The following WDR90 variants were observed in gnomAD, a reference collection of about 807,000 sequenced individuals.
The protein encoded by WDR90 is WD repeat domain 90, also known as WD repeat-containing protein 90.
A neutral mutation model predicts 195.2 loss-of-function variants in WDR90; 238 were observed. The observed-to-expected ratio is 1.22, with a 90% CI of 1.10 to 1.36. WDR90 has a LOEUF of 1.36. WDR90 is among the 40% of genes most tolerant of loss of function. The probability of loss-of-function intolerance (pLI) is 0.00; values close to 1 mark genes in which losing one functional copy is unlikely to be tolerated. For synonymous variants in WDR90, 1,265 were observed against 1,052.4 expected, an observed-to-expected ratio of 1.20 and a Z score of -3.91; for missense variants, 2,734 against 2,439.5, an observed-to-expected ratio of 1.12 and a Z score of -2.54.
intron 33 of WDR90, 169 bp downstream of exon 33, chr16:662,500 G>C: frequency 1.4e-5 from 16 of 1,185,096 alleles, no homozygotes; most frequent in Non-Finnish European, 1.9e-5. Context: ...GGCTGCTGTC[G>C]AGTACGGGCA....
At chr16:664,487 G>A (rs1002129900) in intron 34 of WDR90, among the ~76,000 whole-genome samples, 3 of 152,148 alleles carry the variant, frequency 2.0e-5, no homozygotes, top group African/African-American at 7.2e-5. Flanking sequence ...CGTGACCTGA[G>A]CCCGTGGTCA....
At chr16:661,820 T>G (rs778246124) in intron 31 of WDR90, 33 bp downstream of exon 31, 26 of 1,586,216 alleles carry the variant, frequency 1.6e-5, no homozygotes, top group Middle Eastern at 1.7e-4. Flanking sequence ...GCCCAGGGGT[T>G]GTTTTGTGGG....
Position 655,901 on chromosome 16 carries a change from G to A in WDR90, c.1966+12G>A, listed in dbSNP as rs773742422. ...GCTCCTGGAGGCAGGTGATGCTGTG[G>A]GCACGCTCTCCCAACTCCGGGAGAG... On this transcript the variant is annotated intron_variant, in intron 17 of 40. Coordinates refer to ENST00000293879, the MANE Select transcript of WDR90 (RefSeq NM_145294.5). 3 of 1,584,512 alleles carry A rather than the reference G, an allele frequency of 1.9e-6. No individual in the cohort carries two copies. Among genetic ancestry groups the A allele is most frequent in the East Asian group, 4.6e-5 (2 of 43,830 alleles).
intron 11 of WDR90, 27 bp downstream of exon 11, chr16:653,478 C>T (rs1382895767): frequency 6.2e-7 from 1 of 1,612,416 alleles, no homozygotes; most frequent in Non-Finnish European, 8.5e-7. Flanking sequence ...CCTGGGGCAG[C>T]TCACACCTGC....
intron 5 of WDR90, 38 bp from the exon 6 acceptor site, chr16:650,957 C>T (rs1034167453): frequency 6.2e-7 from 1 of 1,603,000 alleles, no homozygotes. Flanking sequence ...GGTGGCTAAA[C>T]AGCCTCCCTT....
rs567455490 is a variant in WDR90, at chr16:650,195, T to G, written c.279+28T>G. 28 of 1,610,048 alleles carry G rather than the reference T, an allele frequency of 1.7e-5. No individual in the cohort carries two copies. In the African/African-American group the frequency reaches 3.2e-4, roughly 18 times the overall value. On this transcript the variant is annotated intron_variant, in intron 3 of 40. Transcript: ENST00000293879. ...ACGGAGCCCGCGGCTGGGGGCTGCGTGGGAGCCCCGGCACCCCTGCGGCCC... is the reference window on the plus strand; with the variant it reads ...ACGGAGCCCGCGGCTGGGGGCTGCGGGGGAGCCCCGGCACCCCTGCGGCCC...
At chr16:654,924 C>A (rs936854481) in intron 13 of WDR90, 105 bp from the exon 14 acceptor site, 281 of 1,074,296 alleles carry the variant, frequency 2.6e-4, no homozygotes, top group Non-Finnish European at 3.6e-4. Flanking sequence ...GGCTGGTCTC[C>A]GCATGAGAGA....
chr16:660,711 A>G lies in WDR90; in HGVS notation c.3388A>G (p.Thr1130Ala). ...GGCCAACATGGTCTGGAGGCCGGAC[A>G]CAGGTGGGGGCCAAGAGCCTACCCC... ...GRANMVWRPD[T>A]GFFAYTCGRL... is the part of the protein sequence containing the mutation. Residue 1130 changes from threonine (T) to alanine (A), a missense_variant, in exon 28 of 41, where the codon ACA becomes GCA. Thr to Ala is a moderately conservative substitution (Grantham distance 58, BLOSUM62 0). Coordinates refer to ENST00000293879, the MANE Select transcript of WDR90 (RefSeq NM_145294.5). 7 of 1,562,934 alleles carry G rather than the reference A, an allele frequency of 4.5e-6. No individual in the cohort carries two copies. Among genetic ancestry groups the G allele is most frequent in the Non-Finnish European group, 6.1e-6 (7 of 1,153,350 alleles).
Position 666,051 on chromosome 16 carries a change from C to CT in WDR90, c.4537dup (p.Ser1513PhefsTer53). On this transcript the variant is annotated frameshift_variant, in exon 36 of 41. Coordinates refer to ENST00000293879, the MANE Select transcript of WDR90 (RefSeq NM_145294.5). LOFTEE classifies it high-confidence loss of function. ...ACGGCTCCCTGCGCATCTTCAGCGT[C>CT]TCCCGCACGGCCATGGAGCTCAAGA... 2.5e-6 allele frequency: 4 copies of CT among 1,606,922 alleles called. No homozygotes were observed. The highest frequency in any genetic ancestry group is 3.4e-6 in the Non-Finnish European group (4 of 1,179,840).
rs530880800 is a variant in WDR90 at position 667,634 on chromosome 16, C to G, written c.*45C>G. On this transcript the variant is annotated 3_prime_UTR_variant, in exon 41 of 41. Coordinates refer to ENST00000293879, the MANE Select transcript of WDR90 (RefSeq NM_145294.5). ...TGGTGGGCATCACGCCTGGTCATGCCAGGCACCTGGACACAGGCTTGGCAG... is the reference window on the plus strand; with the variant it reads ...TGGTGGGCATCACGCCTGGTCATGCGAGGCACCTGGACACAGGCTTGGCAG... 127 of 1,598,736 alleles carry G rather than the reference C, an allele frequency of 7.9e-5. No homozygotes were observed. In the South Asian group the frequency reaches 1.2e-3, roughly 15 times the overall value.
In WDR90 at chr16:653,572, C is replaced by T. The variant is rs759366735; in HGVS notation, c.1281C>T (p.Ala427=). 1.9e-6 allele frequency: 3 copies of T among 1,613,536 alleles called. No individual in the cohort carries two copies. Among genetic ancestry groups the T allele is most frequent in the Admixed American group, 3.3e-5 (2 of 60,020 alleles). ...GCAGCAGCTCACTATTGGCCTCGGC[C>T]CAGGCAAGGGCCCCTAGTGTGATGC... ...LDGSSSLLAS[A]QARAPSVMRL... Residue 427 remains alanine, a synonymous_variant, in exon 12 of 41, where the codon GCC becomes GCT. Coordinates refer to ENST00000293879, the MANE Select transcript of WDR90 (RefSeq NM_145294.5).
chr16:662,121 G>A, intron 32 of WDR90, 62 bp downstream of exon 32: 1 of 1,563,766 alleles, frequency 6.4e-7, no homozygotes, highest in Admixed American at 1.8e-5. Context: ...TCAGAGCTGG[G>A]GCAGAGGCCT....
Position 666,119 on chromosome 16 carries a change from C to T in WDR90, c.4604C>T (p.Thr1535Ile). 6.2e-7 allele frequency: 1 copy of T among 1,609,720 alleles called. No individual in the cohort carries two copies. The highest frequency in any genetic ancestry group is 8.5e-7 in the Non-Finnish European group (1 of 1,178,182). Reference protein sequence around the residue: ...PVALTTVAFSTDGQTVLSGDK... With the variant: ...PVALTTVAFSIDGQTVLSGDK... Reference sequence around the variant, plus strand: ...GCGCTGACCACTGTTGCCTTCTCCACCGATGGTGAGGAGTTGGGTGTGTTG... The same window carrying T: ...GCGCTGACCACTGTTGCCTTCTCCATCGATGGTGAGGAGTTGGGTGTGTTG... Residue 1535 changes from threonine (T) to isoleucine (I), a missense_variant, in exon 36 of 41, where the codon ACC (threonine) becomes ATC (isoleucine). By Grantham distance (89) the Thr-to-Ile change is moderately conservative (BLOSUM62 -1). Transcript: ENST00000293879.
At position 650,161 on chromosome 16, in the gene WDR90, C is replaced by G; in HGVS notation, c.273C>G (p.Ser91=). The G allele has an allele frequency of 1.9e-6, 3 of 1,612,840 alleles. No individual in the cohort carries two copies. The highest frequency in any genetic ancestry group is 2.5e-6 in the Non-Finnish European group (3 of 1,179,802). ...SKHFVIHLDV[S]SKDNQVIRVS... ...ACTTCGTCATCCACCTCGATGTGTCCTCCAAGGTACGGAGCCCGCGGCTGG... is the reference window on the plus strand; with the variant it reads ...ACTTCGTCATCCACCTCGATGTGTCGTCCAAGGTACGGAGCCCGCGGCTGG... The change falls in exon 3 of 41, where the codon TCC becomes TCG. Residue 91 remains serine (S), a synonymous_variant. Transcript: ENST00000293879.
intron 17 of WDR90, 83 bp downstream of exon 17, chr16:655,972 T>C: frequency 6.9e-7 from 1 of 1,446,270 alleles, no homozygotes; most frequent in Non-Finnish European, 9.4e-7. Flanking sequence ...CCCGGGGCTC[T>C]GCTGTCAGCC....
chr16:662,998 T>C (rs1404348897), intron 34 of WDR90, 154 bp downstream of exon 34: 3 of 1,172,322 alleles, frequency 2.6e-6, no homozygotes, highest in Non-Finnish European at 3.7e-6. Flanking sequence ...AAGTCTTGGG[T>C]GTGCACGTCC....
In WDR90 at chr16:651,611, C is replaced by T. The variant is rs369392610; in HGVS notation, c.737-33C>T. On this transcript the variant is annotated intron_variant, in intron 7 of 40. Transcript: ENST00000293879. ...TCACCAGGCATCTGCACAGCTGGCC[C>T]CTGGGTCACTGGGGTTCTTTGCTCT... The T allele has an allele frequency of 1.9e-5, 30 of 1,605,022 alleles. No homozygotes were observed. In the African/African-American group the frequency reaches 2.8e-4, roughly 15 times the overall value.
Position 659,436 on chromosome 16 carries a change from C to A in WDR90, c.3184+60C>A, listed in dbSNP as rs2037843850. On this transcript the variant is annotated intron_variant, in intron 26 of 40. Transcript: ENST00000293879. ...TCGGGGGTCTGAGAGGGCACAGGCC[C>A]AGTGGCAGCAGGTACTCACGCACGT... 1.9e-6 allele frequency: 3 copies of A among 1,558,452 alleles called. No individual in the cohort carries two copies. In the East Asian group the frequency reaches 7.0e-5, roughly 37 times the overall value.
intron 40 of WDR90, 119 bp downstream of exon 40, chr16:667,108 G>A (rs2038101291): frequency 2.7e-6 from 3 of 1,114,466 alleles, no homozygotes; most frequent in Non-Finnish European, 3.9e-6. Flanking sequence ...TCTGGGGTGG[G>A]GTGAGGACAT....
Sources: allele counts gnomAD v4.1 joint callset (sites outside exome capture counted in the v4.1 genomes callset), GRCh38; gene constraint gnomAD v4.1.1; transcripts MANE v1.5; gene names NCBI Gene and HGNC (gene_info 2026-07-23, HGNC 2026-07-21).